PIEZO2: variants seen among roughly 807,000 people sequenced by gnomAD.
PIEZO2 encodes piezo-type mechanosensitive ion channel component 2.
Under a neutral mutation model 337.3 loss-of-function variants are expected in PIEZO2, and 172 were observed. That is an observed-to-expected ratio of 0.51 (90% CI 0.45 to 0.58). PIEZO2 has a LOEUF of 0.58. Among genes scored for constraint, PIEZO2 ranks in the 20% least tolerant of loss-of-function variants. The pLI, the probability that PIEZO2 is intolerant of heterozygous loss-of-function variation, is 0.00. For synonymous variants in PIEZO2, 1,251 were observed against 1,228.5 expected (o/e 1.02, Z -0.38); for missense variants, 3,028 against 3,391.3 (o/e 0.89, Z 2.66).
At chr18:10,904,671 G>A (rs983387129) in intron 4 of PIEZO2, among the ~76,000 whole-genome samples, 5 of 152,330 alleles carry the variant, frequency 3.3e-5, no homozygotes, top group Admixed American at 1.3e-4. Context: ...TACCAAATGA[G>A]GGCTGTGTTT....
At chr18:10,990,198 T>C (rs2035036311) in intron 2 of PIEZO2, among the ~76,000 whole-genome samples, 1 of 152,074 alleles carries the variant, frequency 6.6e-6, no homozygotes, top group African/African-American at 2.4e-5. Context: ...AAAGGAGACA[T>C]AACACAAAAT....
At position 10,689,049 on chromosome 18, in the gene PIEZO2, G is replaced by T. The variant is rs191075935; in HGVS notation, c.7497+606C>A. On this transcript the variant is annotated intron_variant, in intron 49 of 55. Coordinates refer to ENST00000674853, the MANE Select transcript of PIEZO2 (RefSeq NM_001378183.1). ...TACAGAGGAGCCTTTTTCAAGGAGGGTATTTTGAGACGAGAAAGAAAGACA... is the reference window on the plus strand; with the variant it reads ...TACAGAGGAGCCTTTTTCAAGGAGGTTATTTTGAGACGAGAAAGAAAGACA... Among the ~76,000 whole-genome samples, 232 of 152,252 alleles carry T rather than the reference G, an allele frequency of 1.5e-3. 5 individuals are homozygous for T. The highest frequency in any genetic ancestry group is 0.015 in the South Asian group (72 of 4,818).
chr18:10,906,943 C>A (rs1218467846), intron 4 of PIEZO2, among the ~76,000 whole-genome samples: 2 of 152,114 alleles, frequency 1.3e-5, no homozygotes, highest in East Asian at 3.9e-4. Context: ...GATGTAGTGA[C>A]AAACGGCACT....
At chr18:10,946,904 T>C (rs2033052168) in intron 3 of PIEZO2, among the ~76,000 whole-genome samples, 1 of 151,684 alleles carries the variant, frequency 6.6e-6, no homozygotes, top group Non-Finnish European at 1.5e-5. Context: ...AAATCAGATG[T>C]TGGAATTATC....
intron 1 of PIEZO2, among the ~76,000 whole-genome samples, chr18:11,130,609 A>G (rs113006439): frequency 0.018 from 2,701 of 152,344 alleles, 32 homozygotes; most frequent in South Asian, 0.036. Context: ...TATTGGAGAG[A>G]CATTTGTGTG....
chr18:10,737,361 C>CACA (rs1209605558), intron 33 of PIEZO2, among the ~76,000 whole-genome samples: 2 of 151,072 alleles, frequency 1.3e-5, no homozygotes, highest in Non-Finnish European at 2.9e-5. Flanking sequence ...AACAACACAA[C>CACA]ACAACAACAA....
chr18:10,691,103 T>C, intron 48 of PIEZO2, 122 bp downstream of exon 48: 11 of 1,156,944 alleles, frequency 9.5e-6, no homozygotes, highest in Non-Finnish European at 1.4e-5. Context: ...ATCGTAAGAG[T>C]TCCACAACGA....
chr18:11,117,665 C>T (rs1184407184), intron 1 of PIEZO2, among the ~76,000 whole-genome samples: 2 of 152,152 alleles, frequency 1.3e-5, no homozygotes, highest in Non-Finnish European at 2.9e-5. Flanking sequence ...GAAAATGTCC[C>T]TTTGGATGTT....
chr18:11,096,016 G>T lies in PIEZO2; in HGVS notation c.65-29794C>A, dbSNP rs1358349784. 6.6e-6 allele frequency among the ~76,000 whole-genome samples: 1 copy of T among 152,252 alleles called. No homozygotes were observed. Among genetic ancestry groups the T allele is most frequent in the East Asian group, 1.9e-4 (1 of 5,202 alleles). ...ACACTGAAAAACCTTTCTTGTGTGT[G>T]TGCCCAAGGAGAGACTATGAGAGGG... On this transcript the variant is annotated intron_variant, in intron 1 of 55. Coordinates refer to ENST00000674853, the MANE Select transcript of PIEZO2 (RefSeq NM_001378183.1). This position sits in a 1 kb window ranked among gnomAD's most constrained non-coding sequence, Gnocchi z 4.6.
At position 10,962,494 on chromosome 18, in the gene PIEZO2, G is replaced by A. The variant is rs1277006679; in HGVS notation, c.286+17041C>T. Among the ~76,000 whole-genome samples the A allele has an allele frequency of 6.6e-6, 1 of 152,136 alleles. No individual in the cohort carries two copies. Among genetic ancestry groups the A allele is most frequent in the African/African-American group, 2.4e-5 (1 of 41,418 alleles). On this transcript the variant is annotated intron_variant, in intron 3 of 55. Coordinates refer to ENST00000674853, the MANE Select transcript of PIEZO2 (RefSeq NM_001378183.1). This position sits in a 1 kb window ranked among gnomAD's most constrained non-coding sequence, Gnocchi z 4.1. ...CTTGCTCCTTGGTGTAGAGTTCATG[G>A]CCAAGCTTCCTCCAGTCTCTGTAGG...
At chr18:10,791,431 A>T (rs1598485210) in intron 13 of PIEZO2, 107 bp from the exon 14 acceptor site, 5 of 1,248,940 alleles carry the variant, frequency 4.0e-6, no homozygotes. Flanking sequence ...CACAATAAAT[A>T]AACCTTTTTA....
intron 3 of PIEZO2, among the ~76,000 whole-genome samples, chr18:10,963,618 T>C (rs2033879777): frequency 6.6e-6 from 1 of 152,238 alleles, no homozygotes; most frequent in Admixed American, 6.5e-5. Context: ...TAATTCATGG[T>C]AGAGTGAGAG....
chr18:10,762,760 G>A, intron 22 of PIEZO2, 135 bp from the exon 23 acceptor site: 1 of 1,321,544 alleles, frequency 7.6e-7, no homozygotes, highest in South Asian at 1.5e-5. Context: ...GGAGACCTCA[G>A]TATGAGACGA....
intron 3 of PIEZO2, among the ~76,000 whole-genome samples, chr18:10,917,805 C>T (rs1054457502): frequency 2.6e-5 from 4 of 152,084 alleles, no homozygotes; most frequent in East Asian, 1.9e-4. Flanking sequence ...GGCAGCTGAA[C>T]ATGTGGCCTG....
At chr18:10,835,876 C>T (rs1261366522) in intron 7 of PIEZO2, among the ~76,000 whole-genome samples, 2 of 152,190 alleles carry the variant, frequency 1.3e-5, no homozygotes, top group Non-Finnish European at 2.9e-5. Flanking sequence ...TACTAAAGTC[C>T]AACTCTGACT....
intron 24 of PIEZO2, among the ~76,000 whole-genome samples, chr18:10,760,484 T>C (rs1415111918): frequency 6.6e-6 from 1 of 152,138 alleles, no homozygotes; most frequent in Non-Finnish European, 1.5e-5. Flanking sequence ...TTTGTATTTT[T>C]AGAAGAGATG....
chr18:11,075,988 G>A (rs374850067), intron 1 of PIEZO2, among the ~76,000 whole-genome samples: 2 of 152,000 alleles, frequency 1.3e-5, no homozygotes, highest in East Asian at 1.9e-4. Flanking sequence ...GGGTTTCACT[G>A]TGTTATCCAG....
rs1029537564 is a variant in PIEZO2, at chr18:11,146,868, C to G, written c.64+1657G>C. ...GGTGTCCATCCTCCAGGAACAGTGGCGAGGAGGACGGTGGATAGAGGGACT... is the reference window on the plus strand; with the variant it reads ...GGTGTCCATCCTCCAGGAACAGTGGGGAGGAGGACGGTGGATAGAGGGACT... On this transcript the variant is annotated intron_variant, in intron 1 of 55. Transcript: ENST00000674853. The surrounding 1 kb of genome is among the most constrained non-coding windows in gnomAD (Gnocchi z 6.1). Among the ~76,000 whole-genome samples, 2 of 152,094 alleles carry G rather than the reference C, an allele frequency of 1.3e-5. No homozygotes were observed. The highest frequency in any genetic ancestry group is 2.9e-5 in the Non-Finnish European group (2 of 68,024).
At chr18:10,845,756 G>A (rs2041338410) in intron 7 of PIEZO2, among the ~76,000 whole-genome samples, 2 of 152,172 alleles carry the variant, frequency 1.3e-5, no homozygotes, top group African/African-American at 4.8e-5. Context: ...AGAAACTGAA[G>A]TCTCTCATGT....
Sources: allele counts gnomAD v4.1 joint callset (sites outside exome capture counted in the v4.1 genomes callset), GRCh38; gene constraint gnomAD v4.1.1; non-coding constraint Gnocchi (gnomAD v3.1); transcripts MANE v1.5; gene names NCBI Gene and HGNC (gene_info 2026-07-23, HGNC 2026-07-21).